KCNAB1: variants seen among roughly 807,000 people sequenced by gnomAD.
KCNAB1 encodes voltage-gated potassium channel subunit beta-1.
A neutral mutation model predicts 64.6 loss-of-function variants in KCNAB1; 35 were observed. The ratio of observed to expected loss-of-function variants is 0.54; its 90% CI spans 0.41 to 0.72. KCNAB1 has a LOEUF of 0.72. Among genes scored for constraint, KCNAB1 ranks in the 30% least tolerant of loss-of-function variants. The pLI is 0.00. For synonymous variants in KCNAB1, 177 were observed against 183.8 expected (o/e 0.96, Z 0.30); for missense variants, 401 against 512.9 (o/e 0.78, Z 2.11).
intron 1 of KCNAB1, among the ~76,000 whole-genome samples, chr3:156,265,475 G>T (rs1041844912): frequency 4.6e-5 from 7 of 152,158 alleles, no homozygotes; most frequent in Non-Finnish European, 1.0e-4. Context: ...CACCATGAGT[G>T]TGGTGACTGG....
At chr3:156,272,789 A>T (rs572040931) in intron 1 of KCNAB1, among the ~76,000 whole-genome samples, 1 of 151,914 alleles carries the variant, frequency 6.6e-6, no homozygotes, top group Non-Finnish European at 1.5e-5. Context: ...ATCTCTTCTC[A>T]TAGCTGCCAC....
At chr3:156,197,934 A>ATAT (rs1714063568) in intron 1 of KCNAB1, among the ~76,000 whole-genome samples, 1 of 152,152 alleles carries the variant, frequency 6.6e-6, no homozygotes, top group Admixed American at 6.5e-5. Flanking sequence ...TTAGTGCTAT[A>ATAT]TATTTCCGTC....
At chr3:156,194,678 C>T (rs1713780488) in intron 1 of KCNAB1, among the ~76,000 whole-genome samples, 1 of 152,084 alleles carries the variant, frequency 6.6e-6, no homozygotes, top group Non-Finnish European at 1.5e-5. Flanking sequence ...TTCCCACGTC[C>T]CCCAGTTTTC....
intron 8 of KCNAB1, among the ~76,000 whole-genome samples, chr3:156,488,538 G>C (rs1715382109): frequency 6.6e-6 from 1 of 152,120 alleles, no homozygotes; most frequent in Non-Finnish European, 1.5e-5. Context: ...AGTAAGGAAG[G>C]GGGAAGGTAG....
chr3:156,192,491 G>T (rs1263218547), intron 1 of KCNAB1, among the ~76,000 whole-genome samples: 1 of 152,046 alleles, frequency 6.6e-6, no homozygotes, highest in Non-Finnish European at 1.5e-5. Flanking sequence ...TTTTATAAAG[G>T]TCAAACGATA....
At chr3:156,430,608 G>T (rs1408846306) in intron 2 of KCNAB1, among the ~76,000 whole-genome samples, 2 of 152,160 alleles carry the variant, frequency 1.3e-5, no homozygotes, top group Non-Finnish European at 2.9e-5. Context: ...CAGGGTCAGG[G>T]AGAGGCGATA....
At chr3:156,318,405 C>A (rs1456795567) in intron 1 of KCNAB1, among the ~76,000 whole-genome samples, 1 of 152,152 alleles carries the variant, frequency 6.6e-6, no homozygotes, top group African/African-American at 2.4e-5. Flanking sequence ...CCTAAAGGAG[C>A]AGACCACATG....
At chr3:156,165,732 A>G (rs1577661533) in intron 1 of KCNAB1, among the ~76,000 whole-genome samples, 1 of 152,210 alleles carries the variant, frequency 6.6e-6, no homozygotes, top group African/African-American at 2.4e-5. Context: ...TATCTTTAAC[A>G]TTATATCTGT....
intron 1 of KCNAB1, among the ~76,000 whole-genome samples, chr3:156,408,786 A>C (rs1714435528): frequency 6.6e-6 from 1 of 152,118 alleles, no homozygotes; most frequent in African/African-American, 2.4e-5. Context: ...TCTCCATAAA[A>C]AAAAAAATAA....
In KCNAB1 at chr3:156,536,760, A is replaced by G; in HGVS notation, c.*13A>G. 1 of 1,564,048 alleles carries G rather than the reference A, an allele frequency of 6.4e-7. No individual in the cohort carries two copies. Among genetic ancestry groups the G allele is most frequent in the Non-Finnish European group, 8.8e-7 (1 of 1,134,544 alleles). ...CTATAGATCATAAGGCAATGCATGA[A>G]CCACAGAAGCTGCATGGTTAAAATA... On this transcript the variant is annotated 3_prime_UTR_variant, in exon 14 of 14. Transcript: ENST00000490337.
intron 1 of KCNAB1, among the ~76,000 whole-genome samples, chr3:156,181,730 T>C (rs1712831550): frequency 6.6e-6 from 1 of 151,636 alleles, no homozygotes; most frequent in Non-Finnish European, 1.5e-5. Flanking sequence ...TGGGGAGAAA[T>C]GGAAGGAGGA....
chr3:156,372,283 T>C (rs1372598313), intron 1 of KCNAB1, among the ~76,000 whole-genome samples: 11 of 152,242 alleles, frequency 7.2e-5, no homozygotes, highest in Non-Finnish European at 1.2e-4. Flanking sequence ...GCCTTAGCAC[T>C]GTGGCCTTGG....
At chr3:156,487,309 TG>T (rs1715287236) in intron 8 of KCNAB1, among the ~76,000 whole-genome samples, 1 of 152,120 alleles carries the variant, frequency 6.6e-6, no homozygotes, top group Non-Finnish European at 1.5e-5. Context: ...ATACCCTCCT[TG>T]GGAATCTGAA....
At chr3:156,538,995 C>CA (rs1719275560), downstream of KCNAB1, 1 of 149,800 alleles carries the variant, frequency 6.7e-6, no homozygotes, top group Non-Finnish European at 1.5e-5. Context: ...GCGAATCTGT[C>CA]ATGGTAAATA....
intron 1 of KCNAB1, among the ~76,000 whole-genome samples, chr3:156,262,066 T>A (rs1416510513): frequency 6.6e-6 from 1 of 151,982 alleles, no homozygotes; most frequent in Non-Finnish European, 1.5e-5. Flanking sequence ...TGTGATCTTG[T>A]TAAATTCATT....
intron 11 of KCNAB1, among the ~76,000 whole-genome samples, chr3:156,522,723 A>G (rs1018492379): frequency 2.6e-5 from 4 of 152,226 alleles, no homozygotes; most frequent in African/African-American, 9.6e-5. Flanking sequence ...TGCTCAAAAA[A>G]CAAAAGCCAG....
At chr3:156,255,139 CTATT>C (rs780050004) in intron 1 of KCNAB1, among the ~76,000 whole-genome samples, 1 of 152,180 alleles carries the variant, frequency 6.6e-6, no homozygotes, top group Non-Finnish European at 1.5e-5. Context: ...CCCAGTGTGA[CTATT>C]TATAGGCTAC....
At chr3:156,504,024 T>C (rs1039089189) in intron 8 of KCNAB1, among the ~76,000 whole-genome samples, 3 of 152,160 alleles carry the variant, frequency 2.0e-5, no homozygotes, top group Non-Finnish European at 4.4e-5. Context: ...CTGGCAGTAA[T>C]ATTGTGTTTA....
chr3:156,473,833 G>A (rs186655405), intron 7 of KCNAB1, among the ~76,000 whole-genome samples: 87 of 152,276 alleles, frequency 5.7e-4, no homozygotes, highest in African/African-American at 2.0e-3. Context: ...AGGCTGATAA[G>A]AGAATGCTAA....
Sources: allele counts gnomAD v4.1 joint callset (sites outside exome capture counted in the v4.1 genomes callset), GRCh38; gene constraint gnomAD v4.1.1; transcripts MANE v1.5; gene names NCBI Gene and HGNC (gene_info 2026-07-23, HGNC 2026-07-21).